RHBDF2: variants seen among roughly 807,000 people sequenced by gnomAD.
The protein encoded by RHBDF2 is inactive rhomboid protein 2.
A neutral mutation model predicts 95.2 loss-of-function variants in RHBDF2; 38 were observed. The observed-to-expected ratio is 0.40, with a 90% confidence interval of 0.31 to 0.52. The LOEUF (loss-of-function observed/expected upper bound fraction) is 0.52. RHBDF2 is among the 20% of genes least tolerant of loss of function. The pLI, the probability that RHBDF2 is intolerant of heterozygous loss-of-function variation, is 0.56. For missense variants in RHBDF2, 863 were observed against 1,137.7 expected (o/e 0.76, Z 3.47); for synonymous variants, 442 against 462.0 (o/e 0.96, Z 0.55).
intron 4 of RHBDF2, 68 bp downstream of exon 4, chr17:76,479,665 T>G (rs1339324376): frequency 2.4e-6 from 3 of 1,256,882 alleles, no homozygotes; most frequent in Non-Finnish European, 3.4e-6. Context: ...GGCCCAATCA[T>G]GTCCAGGCCC....
At chr17:76,489,211 CA>C (rs2074232061) in intron 1 of RHBDF2, among the ~76,000 whole-genome samples, 2 of 152,040 alleles carry the variant, frequency 1.3e-5, no homozygotes, top group African/African-American at 4.8e-5. Flanking sequence ...ATACTTAAGG[CA>C]AAGTTCAAAT....
At chr17:76,489,623 G>T in intron 1 of RHBDF2, among the ~76,000 whole-genome samples, 1 of 152,268 alleles carries the variant, frequency 6.6e-6, no homozygotes, top group Middle Eastern at 3.4e-3. Context: ...GCGCCCAGCC[G>T]CCTGTTTGTT....
At chr17:76,477,129 G>T in intron 8 of RHBDF2, 51 bp downstream of exon 8, 2 of 1,610,424 alleles carry the variant, frequency 1.2e-6, no homozygotes, top group Non-Finnish European at 1.7e-6. Flanking sequence ...GTCTGGGGAT[G>T]CCCCCAGGCT....
At chr17:76,474,963 G>A in intron 10 of RHBDF2, 67 bp downstream of exon 10, 1 of 1,461,700 alleles carries the variant, frequency 6.8e-7, no homozygotes, top group Non-Finnish European at 9.4e-7. Context: ...GAGGGATTAG[G>A]TACCCACGAC....
In RHBDF2 at chr17:76,481,548, G is replaced by A; in HGVS notation, c.-21-3C>T. ...ATTGTGGGCAGGAGGCGGGAGGGCTGGAATGGAGACCGGGAGAGCAGCGGT... is the reference window on the plus strand; with the variant it reads ...ATTGTGGGCAGGAGGCGGGAGGGCTAGAATGGAGACCGGGAGAGCAGCGGT... On this transcript the variant is annotated splice_region_variant and splice_polypyrimidine_tract_variant and intron_variant, in intron 2 of 18. Transcript: ENST00000675367. The A allele has an allele frequency of 6.2e-7, 1 of 1,600,502 alleles. No individual in the cohort carries two copies. The highest frequency in any genetic ancestry group is 2.2e-5 in the East Asian group (1 of 44,784).
intron 18 of RHBDF2, chr17:76,472,408 C>A: frequency 1.7e-6 from 1 of 573,578 alleles, no homozygotes; most frequent in Non-Finnish European, 3.1e-6. Flanking sequence ...CCATTTCCTA[C>A]CGCTCGACCT....
intron 12 of RHBDF2, 87 bp downstream of exon 12, chr17:76,474,286 C>A: frequency 2.0e-6 from 3 of 1,476,764 alleles, no homozygotes; most frequent in Non-Finnish European, 2.8e-6. Flanking sequence ...GAGGAGGGAA[C>A]GTGGTCACTG....
At chr17:76,479,355 C>A in intron 4 of RHBDF2, 78 bp from the exon 5 acceptor site, 2 of 1,534,016 alleles carry the variant, frequency 1.3e-6, no homozygotes, top group Non-Finnish European at 1.7e-6. Flanking sequence ...GGGGTGATGG[C>A]ACGTGTGTGC....
rs1306161784 is a variant in RHBDF2, at chr17:76,471,649, T to C, written c.2468A>G (p.Asp823Gly). 2 of 1,603,734 alleles carry C rather than the reference T, an allele frequency of 1.2e-6. No homozygotes were observed. ...GCCCAGCGGTCAGTGCAGCACCTGG[T>C]CCAGCTCATACTTCTCGCAGAAGCG... ...TSRFCEKYEL[D>G]QVLH is the part of the protein sequence containing the mutation. Residue 823 changes from aspartate to glycine, a missense_variant, in exon 19 of 19, where the codon GAC becomes GGC. By Grantham distance (94) the Asp-to-Gly change is moderately conservative. Coordinates refer to ENST00000675367, the MANE Select transcript of RHBDF2 (RefSeq NM_001005498.4).
chr17:76,484,821 T>C (rs2074076017), intron 2 of RHBDF2, among the ~76,000 whole-genome samples: 3 of 152,084 alleles, frequency 2.0e-5, no homozygotes, highest in African/African-American at 7.2e-5. Flanking sequence ...GGGGTGGGGT[T>C]CATGATCAAA....
At chr17:76,491,034 C>T (rs573890082) in intron 1 of RHBDF2, among the ~76,000 whole-genome samples, 39 of 152,134 alleles carry the variant, frequency 2.6e-4, no homozygotes, top group African/African-American at 8.9e-4. Context: ...CCTATGTCAG[C>T]CCTGGACAGA....
intron 1 of RHBDF2, among the ~76,000 whole-genome samples, chr17:76,500,022 C>A (rs2074539067): frequency 1.3e-5 from 2 of 152,122 alleles, no homozygotes; most frequent in Non-Finnish European, 2.9e-5. Flanking sequence ...GAATAAGTGC[C>A]CTCACACTGC....
intron 18 of RHBDF2, chr17:76,472,394 G>A (rs192154082): frequency 2.7e-4 from 153 of 577,300 alleles, no homozygotes; most frequent in African/African-American, 2.6e-3. Context: ...ACGGCGCACG[G>A]AGGCCATTTC....
Position 76,490,490 on chromosome 17 carries a change from G to T in RHBDF2, c.-219-2581C>A, listed in dbSNP as rs1302837372. 5.3e-5 allele frequency among the ~76,000 whole-genome samples: 8 copies of T among 152,158 alleles called. 1 individual carries two copies. The highest frequency in any genetic ancestry group is 5.9e-5 in the Non-Finnish European group (4 of 68,018). On this transcript the variant is annotated intron_variant, in intron 1 of 18. Coordinates refer to ENST00000675367, the MANE Select transcript of RHBDF2 (RefSeq NM_001005498.4). ...GGGACCTCTGCAAGAAAAGTTCATA[G>T]CTTGGCCTCCTTTGGGACCAGGGTA...
intron 2 of RHBDF2, among the ~76,000 whole-genome samples, chr17:76,483,732 C>T (rs885140): frequency 0.33 from 49,797 of 152,104 alleles, 9,015 homozygotes; most frequent in East Asian, 0.62. Flanking sequence ...TTGCATACAC[C>T]GCGTGTGCTT....
At position 76,471,849 on chromosome 17, in the gene RHBDF2, G is replaced by A. The variant is rs771252957; in HGVS notation, c.2268C>T (p.Phe756=). The A allele has an allele frequency of 3.1e-5, 49 of 1,592,454 alleles. No individual in the cohort carries two copies. The South Asian group carries it at 4.7e-4, about 15-fold the overall frequency. The change falls in exon 19 of 19, where the codon TTC becomes TTT. Residue 756 remains phenylalanine, a synonymous_variant. Coordinates refer to ENST00000675367, the MANE Select transcript of RHBDF2 (RefSeq NM_001005498.4). ...FGFLSGLLLA[F]AFLPYITFGT... ...CGAAGGTGATGTAGGGCAGGAAGGC[G>A]AAGGCCAGCAGCAGGCCACTGAGGA...
In RHBDF2 at chr17:76,473,740, G is replaced by C. The variant is rs1390574541; in HGVS notation, c.1641C>G (p.Ile547Met). 1.2e-6 allele frequency: 2 copies of C among 1,611,910 alleles called. No individual in the cohort carries two copies. The highest frequency in any genetic ancestry group is 1.1e-5 in the South Asian group (1 of 90,662). Residue 547 changes from isoleucine (I) to methionine (M), a missense_variant and splice_region_variant, in exon 15 of 19, where the codon ATC becomes ATG. Ile to Met is a conservative substitution (Grantham distance 10). Coordinates refer to ENST00000675367, the MANE Select transcript of RHBDF2 (RefSeq NM_001005498.4). Reference protein sequence around the residue: ...IWPDDITKWPICTEQARSNHT... With the variant: ...IWPDDITKWPMCTEQARSNHT... Reference sequence around the variant, plus strand: ...GGTTGCTCCTGGCCTGCTCTGTGCAGATCTGCCAGGAGGGGGCACCGGCAG... The same window carrying C: ...GGTTGCTCCTGGCCTGCTCTGTGCACATCTGCCAGGAGGGGGCACCGGCAG...
intron 2 of RHBDF2, 195 bp from the exon 3 acceptor site, chr17:76,481,740 G>T (rs1184594984): frequency 4.5e-6 from 2 of 443,390 alleles, no homozygotes; most frequent in East Asian, 4.0e-5. Flanking sequence ...GGATCACGAG[G>T]TCAGGAGATC....
chr17:76,485,919 A>G (rs1303336470), intron 2 of RHBDF2, among the ~76,000 whole-genome samples: 1 of 152,028 alleles, frequency 6.6e-6, no homozygotes, highest in Non-Finnish European at 1.5e-5. Flanking sequence ...GAAGAGGGAA[A>G]TCTATAGACA....
Sources: gnomAD v4.1 joint callset for allele counts (sites outside exome capture counted in the v4.1 genomes callset) on GRCh38, gnomAD v4.1.1 for gene constraint, MANE v1.5 for transcripts, NCBI Gene and HGNC (gene_info 2026-07-23, HGNC 2026-07-21) for gene names.